STAB2: variants seen among roughly 807,000 people sequenced by gnomAD.
STAB2 encodes stabilin-2.
STAB2 carries 288 observed loss-of-function variants against 338.1 expected under a neutral mutation model. The observed-to-expected ratio is 0.85, with a 90% CI of 0.77 to 0.94. The LOEUF is 0.94. STAB2 is among the 40% of genes least tolerant of loss of function. The pLI is 0.00. For missense variants in STAB2, 3,141 were observed against 3,210.1 expected (o/e 0.98, Z 0.52); for synonymous variants, 1,202 against 1,193.3 (o/e 1.01, Z -0.15).
intron 3 of STAB2, 121 bp downstream of exon 3, chr12:103,594,631 T>C: frequency 1.3e-6 from 1 of 787,354 alleles, no homozygotes; most frequent in East Asian, 2.6e-5. Context: ...GAAATTTCTG[T>C]GTTAGTCTAT....
At chr12:103,637,406 C>T (rs1236139666) in intron 7 of STAB2, among the ~76,000 whole-genome samples, 170 bp downstream of exon 7, 1 of 152,216 alleles carries the variant, frequency 6.6e-6, no homozygotes, top group Non-Finnish European at 1.5e-5. Context: ...TAAATGGCAG[C>T]TTCTCCTTCT....
At chr12:103,589,752 A>T (rs1290309826) in intron 1 of STAB2, among the ~76,000 whole-genome samples, 1 of 152,202 alleles carries the variant, frequency 6.6e-6, no homozygotes, top group Non-Finnish European at 1.5e-5. Context: ...AGAACATGGC[A>T]GTTAGGAGAG....
chr12:103,611,775 C>A (rs1402267424), intron 3 of STAB2, among the ~76,000 whole-genome samples: 5 of 152,136 alleles, frequency 3.3e-5, no homozygotes, highest in African/African-American at 1.2e-4. Context: ...CAGTTTCTTC[C>A]TAGCCTCGAT....
intron 51 of STAB2, among the ~76,000 whole-genome samples, chr12:103,733,770 T>C (rs1057402709): frequency 2.6e-5 from 4 of 151,730 alleles, no homozygotes; most frequent in African/African-American, 4.8e-5. Context: ...TACATGATCA[T>C]ATAGGAACAT....
At chr12:103,730,072 T>C in intron 48 of STAB2, 44 bp from the exon 49 acceptor site, 1 of 1,525,744 alleles carries the variant, frequency 6.6e-7, no homozygotes, top group Non-Finnish European at 8.8e-7. Context: ...TTTGTGTCTA[T>C]TTCACTTTGC....
chr12:103,707,776 C>T (rs545768240), intron 38 of STAB2, among the ~76,000 whole-genome samples: 4 of 151,326 alleles, frequency 2.6e-5, no homozygotes, highest in African/African-American at 9.8e-5. Context: ...TGGTCTAAGC[C>T]AGACAAAATT....
At chr12:103,622,338 G>A (rs918688913) in intron 5 of STAB2, among the ~76,000 whole-genome samples, 1 of 128,834 alleles carries the variant, frequency 7.8e-6, no homozygotes, top group Non-Finnish European at 1.7e-5. Context: ...GATGAAAGAA[G>A]ATTTATAGAC....
At chr12:103,701,977 T>TACACACACACAC (rs71097990) in intron 34 of STAB2, among the ~76,000 whole-genome samples, 39 of 144,034 alleles carry the variant, frequency 2.7e-4, no homozygotes, top group Middle Eastern at 3.5e-3. Flanking sequence ...TCAGCCCTGC[T>TACACACACACAC]ACACACACAC....
chr12:103,682,177 AG>A (rs1022634382), intron 25 of STAB2, among the ~76,000 whole-genome samples: 1 of 151,884 alleles, frequency 6.6e-6, no homozygotes, highest in African/African-American at 2.4e-5. Context: ...ATGGGAAAAG[AG>A]GGGGGTCTCT....
In STAB2 at chr12:103,699,116, TC is replaced by T. The variant is rs1330034582; in HGVS notation, c.3604del (p.His1202MetfsTer9). 1 of 1,610,548 alleles carries T rather than the reference TC, an allele frequency of 6.2e-7. No individual in the cohort carries two copies. Among genetic ancestry groups the T allele is most frequent in the African/African-American group, 1.3e-5 (1 of 74,854 alleles). ...TCCAGGAGGAGGACGTCCTCCGGTA[TC>T]ATGTGGTCCTGGAGGAGAAACTCCT... ...LSLEEDVLRY[H>X]VVLEEKLLKN... is the part of the protein sequence containing the mutation. On this transcript the variant is annotated frameshift_variant, in exon 34 of 69. Transcript: ENST00000388887. LOFTEE classifies it high-confidence loss of function.
At chr12:103,636,786 G>A (rs1479665477) in intron 6 of STAB2, among the ~76,000 whole-genome samples, 1 of 152,090 alleles carries the variant, frequency 6.6e-6, no homozygotes, top group African/African-American at 2.4e-5. Context: ...ATACTATGCA[G>A]TTACTAGAGA....
chr12:103,682,873 G>A (rs187971742), intron 25 of STAB2, among the ~76,000 whole-genome samples: 1 of 152,254 alleles, frequency 6.6e-6, no homozygotes, highest in East Asian at 1.9e-4. Flanking sequence ...GCTTGAACCT[G>A]GGAGGCAGAA....
Position 103,717,974 on chromosome 12 carries a change from T to C in STAB2, c.4683+133T>C. 3 of 842,062 alleles carry C rather than the reference T, an allele frequency of 3.6e-6. No homozygotes were observed. In the East Asian group the frequency reaches 7.5e-5, roughly 21 times the overall value. 52.2% of individuals were successfully genotyped at this position (842,062 alleles called of 1,614,324 possible). A position where few individuals can be genotyped will look rare whatever the true frequency, so the allele number is the denominator to read the frequency against. ...AGAGCTGTGTGTTGACCATGAGGCT[T>C]GTTTCTCTGGCACACTCCATTGTAA... is the stretch of plus-strand genomic sequence containing the variant. On this transcript the variant is annotated intron_variant, in intron 44 of 68. Coordinates refer to ENST00000388887, the MANE Select transcript of STAB2 (RefSeq NM_017564.10).
At chr12:103,730,363 A>G in intron 49 of STAB2, 107 bp downstream of exon 49, 1 of 1,263,234 alleles carries the variant, frequency 7.9e-7, no homozygotes, top group Non-Finnish European at 1.1e-6. Context: ...TTCTGCTTCA[A>G]TCTCAAGCTA....
chr12:103,637,684 T>C lies in STAB2; in HGVS notation c.710-332T>C, dbSNP rs529439780. Among the ~76,000 whole-genome samples, 4 of 152,356 alleles carry C rather than the reference T, an allele frequency of 2.6e-5. No homozygotes were observed. The East Asian group carries it at 7.7e-4, about 29-fold the overall frequency. On this transcript the variant is annotated intron_variant, in intron 7 of 68. Transcript: ENST00000388887. ...AATAATGGTACCTACTTTCAGGGAT[T>C]ATTGTAAAGATTAAATGAGTTAATA...
chr12:103,675,803 G>A, intron 23 of STAB2, 125 bp from the exon 24 acceptor site: 1 of 665,432 alleles, frequency 1.5e-6, no homozygotes, highest in Non-Finnish European at 2.5e-6. Context: ...TTGAGCGCTG[G>A]CTTCCTCCAC....
intron 16 of STAB2, 84 bp from the exon 17 acceptor site, chr12:103,660,599 A>G (rs1874525449): frequency 1.3e-5 from 19 of 1,482,786 alleles, no homozygotes; most frequent in East Asian, 4.5e-5. Flanking sequence ...TTTGAAACCT[A>G]TTTTTTCTAG....
chr12:103,726,905 T>G (rs1881253876), intron 46 of STAB2, among the ~76,000 whole-genome samples: 1 of 152,190 alleles, frequency 6.6e-6, no homozygotes, highest in Non-Finnish European at 1.5e-5. Flanking sequence ...GTTTTATGTT[T>G]GTATTATTAT....
At chr12:103,610,869 G>T (rs1957111690) in intron 3 of STAB2, among the ~76,000 whole-genome samples, 1 of 152,198 alleles carries the variant, frequency 6.6e-6, no homozygotes, top group South Asian at 2.1e-4. Flanking sequence ...ATGTGTCCCA[G>T]AGATTCTGGT....
Sources: allele counts gnomAD v4.1 joint callset (sites outside exome capture counted in the v4.1 genomes callset), GRCh38; gene constraint gnomAD v4.1.1; transcripts MANE v1.5; gene names NCBI Gene and HGNC (gene_info 2026-07-23, HGNC 2026-07-21).